ADIPOR1: variants seen among roughly 807,000 people sequenced by gnomAD.
ADIPOR1 encodes adiponectin receptor 1.
A neutral mutation model predicts 37.5 loss-of-function variants in ADIPOR1; 15 were observed. The observed-to-expected ratio is 0.40, with a 90% CI of 0.27 to 0.62. The LOEUF is 0.62. Ranked by LOEUF, ADIPOR1 falls within the 20% of genes least tolerant of loss-of-function variation. ADIPOR1 has a pLI of 0.42. For missense variants in ADIPOR1, 286 were observed against 478.0 expected (o/e 0.60, Z 3.75); for synonymous variants, 173 against 173.2 (o/e 1.00, Z 0.01).
At chr1:202,949,589 A>AC (rs1654481277) in intron 2 of ADIPOR1, among the ~76,000 whole-genome samples, 1 of 150,348 alleles carries the variant, frequency 6.7e-6, no homozygotes, top group African/African-American at 2.4e-5. Flanking sequence ...CAAAAAAAAA[A>AC]AAAAAAAACA....
chr1:202,955,095 A>G (rs1432229124), intron 1 of ADIPOR1, among the ~76,000 whole-genome samples: 1 of 152,252 alleles, frequency 6.6e-6, no homozygotes, highest in African/African-American at 2.4e-5. Context: ...TATGAATCAA[A>G]GCAAAGGCAC....
intron 5 of ADIPOR1, 79 bp downstream of exon 5, chr1:202,944,904 C>G: frequency 7.3e-7 from 1 of 1,374,954 alleles, no homozygotes; most frequent in Non-Finnish European, 1.0e-6. Flanking sequence ...GATATGAGCT[C>G]CTATCACCCA....
intron 7 of ADIPOR1, 109 bp from the exon 8 acceptor site, chr1:202,941,810 T>C: frequency 7.2e-7 from 1 of 1,385,848 alleles, no homozygotes; most frequent in Non-Finnish European, 9.8e-7. Context: ...AACAAATTTG[T>C]TAATAACATT....
chr1:202,952,764 T>A (rs1439479866), intron 1 of ADIPOR1, among the ~76,000 whole-genome samples: 1 of 152,200 alleles, frequency 6.6e-6, no homozygotes, highest in Admixed American at 6.5e-5. Context: ...CATAATCTCA[T>A]GAGCCAATTC....
intron 2 of ADIPOR1, 42 bp from the exon 3 acceptor site, chr1:202,948,462 A>C: frequency 2.6e-6 from 4 of 1,563,250 alleles, no homozygotes; most frequent in Non-Finnish European, 3.5e-6. Flanking sequence ...GAGTCATCTC[A>C]TAAATTGTAC....
chr1:202,951,051 G>T lies in ADIPOR1; in HGVS notation c.20C>A (p.Ser7Tyr). ...AGCCCCATTCCCCTGTGCCACCACA[G>T]ATCCTTTGTGGGAAGACATCTGGCT... MSSHKG[S>Y]VVAQGNGAPA... Residue 7 changes from serine (S) to tyrosine (Y), a missense_variant, in exon 2 of 8, where the codon TCT becomes TAT. Ser to Tyr is a moderately radical substitution (Grantham distance 144). Coordinates refer to ENST00000340990, the MANE Select transcript of ADIPOR1 (RefSeq NM_015999.6). 1 of 1,614,116 alleles carries T rather than the reference G, an allele frequency of 6.2e-7. No individual in the cohort carries two copies. Among genetic ancestry groups the T allele is most frequent in the Non-Finnish European group, 8.5e-7 (1 of 1,180,004 alleles).
Position 202,941,988 on chromosome 1 carries a change from C to T in ADIPOR1, c.999+37G>A, listed in dbSNP as rs774373193. ...GCCCTTTAACTTTGGGCTGTTCACT[C>T]ACCATCACAGGACCTGCTGGAAGAT... On this transcript the variant is annotated intron_variant, in intron 7 of 7. Coordinates refer to ENST00000340990, the MANE Select transcript of ADIPOR1 (RefSeq NM_015999.6). 13 of 1,580,584 alleles carry T rather than the reference C, an allele frequency of 8.2e-6. No individual in the cohort carries two copies. The South Asian group carries it at 1.1e-4, about 13-fold the overall frequency.
At chr1:202,943,982 G>C (rs764822494) in intron 5 of ADIPOR1, 37 bp from the exon 6 acceptor site, 1 of 1,563,282 alleles carries the variant, frequency 6.4e-7, no homozygotes, top group South Asian at 1.1e-5. Context: ...AATCAGTGGG[G>C]GAAATGAATT....
chr1:202,943,120 G>A (rs1427336636), intron 6 of ADIPOR1, among the ~76,000 whole-genome samples: 5 of 141,672 alleles, frequency 3.5e-5, no homozygotes, highest in Admixed American at 6.9e-5. Context: ...CGCCTGCCTC[G>A]GCCCCCCAAA....
At chr1:202,949,592 A>AC (rs1654481799) in intron 2 of ADIPOR1, among the ~76,000 whole-genome samples, 1 of 150,356 alleles carries the variant, frequency 6.7e-6, no homozygotes, top group African/African-American at 2.4e-5. Context: ...AAAAAAAAAA[A>AC]AAAAACACAC....
At position 202,943,791 on chromosome 1, in the gene ADIPOR1, A is replaced by G; in HGVS notation, c.772T>C (p.Phe258Leu). ...GTCTGCCGGTGCTTAGGAGTGGCAA[A>G]CCGGTCCCACTGCGCCACAATGATG... Reference protein sequence around the residue: ...SAIIVAQWDRFATPKHRQTRA... With the variant: ...SAIIVAQWDRLATPKHRQTRA... The change falls in exon 6 of 8, where the codon TTT becomes CTT. Residue 258 changes from phenylalanine to leucine, a missense_variant. Phe to Leu is a conservative substitution (Grantham distance 22, BLOSUM62 0). Coordinates refer to ENST00000340990, the MANE Select transcript of ADIPOR1 (RefSeq NM_015999.6). 1 of 1,613,788 alleles carries G rather than the reference A, an allele frequency of 6.2e-7. No individual in the cohort carries two copies. The highest frequency in any genetic ancestry group is 1.1e-5 in the South Asian group (1 of 91,050).
intron 3 of ADIPOR1, 25 bp from the exon 4 acceptor site, chr1:202,946,635 G>A: frequency 6.2e-7 from 1 of 1,613,394 alleles, no homozygotes; most frequent in Non-Finnish European, 8.5e-7. Context: ...CTTTCTCTGG[G>A]TAGGGCACTA....
rs543180144 is a variant in ADIPOR1 at position 202,955,324 on chromosome 1, C to T, written c.-95+2861G>A. Among the ~76,000 whole-genome samples the T allele has an allele frequency of 2.2e-4, 33 of 151,748 alleles. No homozygotes were observed. The East Asian group carries it at 2.5e-3, about 12-fold the overall frequency. ...GTAGCCTCAATGTGCCAGACTCAAG[C>T]GATCCTCCCACCTTAGCTTCCCAAG... is the stretch of plus-strand genomic sequence containing the variant. On this transcript the variant is annotated intron_variant, in intron 1 of 7. Transcript: ENST00000340990.
At position 202,945,313 on chromosome 1, in the gene ADIPOR1, C is replaced by T. The variant is rs1654265133; in HGVS notation, c.431-144G>A. The T allele has an allele frequency of 1.8e-5, 15 of 820,700 alleles. 1 individual carries two copies. In the South Asian group the frequency reaches 3.3e-4, roughly 18 times the overall value. 50.8% of individuals were successfully genotyped at this position (820,700 alleles called of 1,614,324 possible). A position where few individuals can be genotyped will look rare whatever the true frequency, so the allele number is the denominator to read the frequency against. On this transcript the variant is annotated intron_variant, in intron 4 of 7. Coordinates refer to ENST00000340990, the MANE Select transcript of ADIPOR1 (RefSeq NM_015999.6). ...AATTAAAAGCACAATGAAATACCAC[C>T]TTACTTCTGCAAGAAAGGCCATTAT...
intron 2 of ADIPOR1, 81 bp from the exon 3 acceptor site, chr1:202,948,501 C>A: frequency 1.6e-6 from 2 of 1,253,378 alleles, no homozygotes; most frequent in Non-Finnish European, 2.3e-6. Context: ...CCCAGAAAAA[C>A]CCAAACCTAA....
intron 1 of ADIPOR1, among the ~76,000 whole-genome samples, chr1:202,956,083 C>T (rs1269287004): frequency 6.6e-6 from 1 of 152,204 alleles, no homozygotes; most frequent in African/African-American, 2.4e-5. Flanking sequence ...GCCTATGCCC[C>T]CAACATTTCT....
At chr1:202,948,082 A>T (rs1297681667) in intron 3 of ADIPOR1, among the ~76,000 whole-genome samples, 1 of 152,240 alleles carries the variant, frequency 6.6e-6, no homozygotes. Context: ...CCTTGCATAG[A>T]AAAGAATCCG....
rs1317901961 is a variant in ADIPOR1, at chr1:202,946,453, C to G, written c.416G>C (p.Trp139Ser). Residue 139 changes from tryptophan to serine, a missense_variant, in exon 4 of 8, where the codon TGG becomes TCG. Transcript: ENST00000340990. ...AAATCACTCACCAAGCAGATGGGTC[C>G]AGATGTTGCCAGTTTCTGTATGAAT... ...FRIHTETGNI[W>S]THLLGFVLFL... 1 of 1,613,982 alleles carries G rather than the reference C, an allele frequency of 6.2e-7. No individual in the cohort carries two copies. The highest frequency in any genetic ancestry group is 2.2e-5 in the East Asian group (1 of 44,852).
intron 2 of ADIPOR1, among the ~76,000 whole-genome samples, chr1:202,950,163 A>G (rs1001315990): frequency 1.3e-5 from 2 of 151,810 alleles, no homozygotes. Flanking sequence ...GGGCTTCACT[A>G]TGTTGGCCAG....
Sources: allele counts gnomAD v4.1 joint callset (sites outside exome capture counted in the v4.1 genomes callset), GRCh38; gene constraint gnomAD v4.1.1; transcripts MANE v1.5; gene names NCBI Gene and HGNC (gene_info 2026-07-23, HGNC 2026-07-21).